ZDHHC14: variants seen among roughly 807,000 people sequenced by gnomAD.
ZDHHC14 encodes the protein palmitoyltransferase ZDHHC14.
ZDHHC14 carries 16 observed loss-of-function variants against 47.7 expected under a neutral mutation model. The ratio of observed to expected loss-of-function variants is 0.34; its 90% CI spans 0.23 to 0.51. ZDHHC14 has a LOEUF of 0.51. ZDHHC14 is among the 20% of genes least tolerant of loss of function. The pLI is 0.97. For synonymous variants in ZDHHC14, 293 were observed against 278.9 expected, an observed-to-expected ratio of 1.05 and a Z score of -0.50; for missense variants, 515 against 662.5, an observed-to-expected ratio of 0.78 and a Z score of 2.44.
chr6:157,579,237 G>A (rs1307281790), intron 2 of ZDHHC14, among the ~76,000 whole-genome samples: 6 of 110,802 alleles, frequency 5.4e-5, no homozygotes, highest in Non-Finnish European at 8.3e-5. Flanking sequence ...TCACTCTGTC[G>A]CCCAGGCTGG....
At chr6:157,448,169 C>T (rs963915706) in intron 1 of ZDHHC14, among the ~76,000 whole-genome samples, 15 of 152,206 alleles carry the variant, frequency 9.9e-5, no homozygotes, top group African/African-American at 3.4e-4. Flanking sequence ...TGAGCCACCA[C>T]GCCTTGCCTA....
intron 2 of ZDHHC14, among the ~76,000 whole-genome samples, chr6:157,567,040 G>A (rs1327204766): frequency 3.9e-5 from 6 of 151,910 alleles, no homozygotes; most frequent in South Asian, 2.1e-4. Context: ...TAGTAGAGAC[G>A]GGGTTTCACC....
chr6:157,551,244 G>A (rs1183154411), intron 2 of ZDHHC14, among the ~76,000 whole-genome samples: 2 of 152,186 alleles, frequency 1.3e-5, no homozygotes, highest in Non-Finnish European at 2.9e-5. Context: ...GCTGGCCACT[G>A]CAGGGCTCTG....
intron 2 of ZDHHC14, among the ~76,000 whole-genome samples, chr6:157,573,960 T>TA (rs767488810): frequency 6.7e-6 from 1 of 149,596 alleles, no homozygotes; most frequent in Non-Finnish European, 1.5e-5. Context: ...AACCTCGGGG[T>TA]CGGGGGGGAA....
At position 157,455,657 on chromosome 6, in the gene ZDHHC14, C is replaced by T. The variant is rs149118689; in HGVS notation, c.245+73391C>T. 4.7e-3 allele frequency among the ~76,000 whole-genome samples: 712 copies of T among 152,334 alleles called. 5 individuals are homozygous for T. Among genetic ancestry groups the T allele is most frequent in the African/African-American group, 0.017 (686 of 41,566 alleles). The stretch of plus-strand genomic sequence containing the variant: ...GAGCCTTGCAGCTTCCCACCTGGCA[C>T]ACCCCTCGCTCCTCCGGCAGGAACC... On this transcript the variant is annotated intron_variant, in intron 1 of 8. Coordinates refer to ENST00000359775, the MANE Select transcript of ZDHHC14 (RefSeq NM_024630.3).
At chr6:157,542,525 T>C (rs1781804136) in intron 1 of ZDHHC14, 60 bp from the exon 2 acceptor site, 1 of 1,570,582 alleles carries the variant, frequency 6.4e-7, no homozygotes, top group African/African-American at 1.4e-5. Context: ...TACTGTTGAT[T>C]CCTAACATTG....
chr6:157,414,956 C>A (rs1777945022), intron 1 of ZDHHC14, among the ~76,000 whole-genome samples: 1 of 151,062 alleles, frequency 6.6e-6, no homozygotes, highest in Non-Finnish European at 1.5e-5. Context: ...CTTCGTAACT[C>A]TCATACCTTT....
intron 7 of ZDHHC14, among the ~76,000 whole-genome samples, chr6:157,651,262 C>G (rs12195639): frequency 6.6e-6 from 1 of 152,268 alleles, no homozygotes; most frequent in Non-Finnish European, 1.5e-5. Flanking sequence ...TTCCTGGCAC[C>G]TGGTGGGGCC....
intron 2 of ZDHHC14, among the ~76,000 whole-genome samples, chr6:157,592,589 C>T (rs560397315): frequency 9.2e-5 from 14 of 152,246 alleles, no homozygotes; most frequent in African/African-American, 2.6e-4. Flanking sequence ...CCTGTGCAGG[C>T]GGGAAGAGGT....
intron 1 of ZDHHC14, among the ~76,000 whole-genome samples, chr6:157,509,921 C>T (rs949111415): frequency 6.6e-6 from 1 of 152,248 alleles, no homozygotes; most frequent in African/African-American, 2.4e-5. Flanking sequence ...AGCCTCCACT[C>T]TGCTCTCACT....
At chr6:157,589,971 C>T (rs552155410) in intron 2 of ZDHHC14, among the ~76,000 whole-genome samples, 16 of 152,174 alleles carry the variant, frequency 1.1e-4, no homozygotes, top group East Asian at 3.9e-4. Context: ...TGGTCTCAGA[C>T]GGAGATGAGA....
chr6:157,443,698 C>T (rs1459496967), intron 1 of ZDHHC14, among the ~76,000 whole-genome samples: 2 of 152,192 alleles, frequency 1.3e-5, no homozygotes, highest in Non-Finnish European at 2.9e-5. Context: ...CTAAGATGAA[C>T]TAGCTGCACA....
chr6:157,578,851 C>CA (rs1783405169), intron 2 of ZDHHC14, among the ~76,000 whole-genome samples: 1 of 152,168 alleles, frequency 6.6e-6, no homozygotes, highest in African/African-American at 2.4e-5. Flanking sequence ...AACTGTGAGT[C>CA]AATTAAACCT....
intron 2 of ZDHHC14, among the ~76,000 whole-genome samples, chr6:157,570,748 TATAC>T (rs201068025): frequency 0.037 from 5,444 of 147,392 alleles, 360 homozygotes; most frequent in African/African-American, 0.13. Flanking sequence ...TATATATGTA[TATAC>T]ATACACACAC....
intron 3 of ZDHHC14, among the ~76,000 whole-genome samples, chr6:157,600,812 G>T (rs572701010): frequency 1.3e-5 from 2 of 152,122 alleles, no homozygotes; most frequent in East Asian, 3.9e-4. Context: ...CCCCCGGGTT[G>T]CTCCAATGGT....
At chr6:157,605,507 A>C (rs1207395188) in intron 3 of ZDHHC14, among the ~76,000 whole-genome samples, 1 of 152,190 alleles carries the variant, frequency 6.6e-6, no homozygotes, top group East Asian at 1.9e-4. Flanking sequence ...ATGGGCTGGA[A>C]AGTGTCACCC....
intron 1 of ZDHHC14, among the ~76,000 whole-genome samples, chr6:157,532,199 CAGT>C (rs111884714): frequency 6.6e-6 from 1 of 152,248 alleles, no homozygotes; most frequent in African/African-American, 2.4e-5. Context: ...AGGAGAGCCT[CAGT>C]GGTGTTCAGT....
intron 1 of ZDHHC14, among the ~76,000 whole-genome samples, chr6:157,439,169 C>T (rs927758449): frequency 2.6e-5 from 4 of 152,152 alleles, no homozygotes; most frequent in Admixed American, 6.6e-5. Context: ...TAAATATTTC[C>T]GTTCTTCATT....
intron 1 of ZDHHC14, among the ~76,000 whole-genome samples, chr6:157,451,685 C>G (rs566100716): frequency 1.7e-4 from 26 of 152,242 alleles, no homozygotes; most frequent in Middle Eastern, 3.4e-3. Flanking sequence ...CTCAGCCTCC[C>G]GAGTAGCTGG....
Sources: gnomAD v4.1 joint callset for allele counts (sites outside exome capture counted in the v4.1 genomes callset) on GRCh38, gnomAD v4.1.1 for gene constraint, MANE v1.5 for transcripts, NCBI Gene and HGNC (gene_info 2026-07-23, HGNC 2026-07-21) for gene names.